WDR7: variants seen among roughly 807,000 people sequenced by gnomAD.
WDR7 encodes the protein WD repeat domain 7.
Under a neutral mutation model 169.4 loss-of-function variants are expected in WDR7, and 46 were observed. The observed-to-expected ratio is 0.27, with a 90% CI of 0.21 to 0.35. The LOEUF is 0.35. WDR7 is among the 10% of genes least tolerant of loss of function. WDR7 has a pLI of 1.00. For missense variants in WDR7, 1,534 were observed against 1,859.3 expected (o/e 0.83, Z 3.22); for synonymous variants, 612 against 666.8 (o/e 0.92, Z 1.27).
At chr18:56,958,000 T>C (rs2047280532) in intron 25 of WDR7, among the ~76,000 whole-genome samples, 1 of 152,184 alleles carries the variant, frequency 6.6e-6, no homozygotes, top group African/African-American at 2.4e-5. Context: ...AAATTAACTT[T>C]TAAGTTTCAC....
chr18:56,679,753 T>C (rs599748), intron 3 of WDR7, among the ~76,000 whole-genome samples: 14,684 of 152,192 alleles, frequency 0.096, 865 homozygotes, highest in Non-Finnish European at 0.13. Context: ...GCCAGACAAC[T>C]TTGAGATTTC....
chr18:56,989,320 T>A (rs918394411), intron 26 of WDR7, among the ~76,000 whole-genome samples: 1 of 152,204 alleles, frequency 6.6e-6, no homozygotes, highest in African/African-American at 2.4e-5. Context: ...TGAAAGTTAA[T>A]TTTTCTCAAG....
intron 20 of WDR7, among the ~76,000 whole-genome samples, chr18:56,852,823 ATACT>A (rs1360595167): frequency 1.3e-5 from 2 of 152,204 alleles, no homozygotes; most frequent in African/African-American, 4.8e-5. Context: ...AAATATATAC[ATACT>A]TACTGATGAA....
chr18:56,675,817 CT>C (rs1169986002), intron 2 of WDR7, among the ~76,000 whole-genome samples: 4 of 151,834 alleles, frequency 2.6e-5, no homozygotes, highest in African/African-American at 9.7e-5. Flanking sequence ...TAGTCTTTCA[CT>C]TTTATTTTTA....
chr18:56,711,821 T>C (rs1236708285), intron 12 of WDR7, among the ~76,000 whole-genome samples: 1 of 152,200 alleles, frequency 6.6e-6, no homozygotes, highest in African/African-American at 2.4e-5. Flanking sequence ...AGGTAGAATA[T>C]TTAACGTGAT....
At chr18:56,799,604 C>A (rs4121) in intron 19 of WDR7, among the ~76,000 whole-genome samples, 126,163 of 152,078 alleles carry the variant, frequency 0.83, 52,464 homozygotes, top group East Asian at 0.98. Flanking sequence ...GTATGTACCA[C>A]GCACAGTTTC....
At chr18:56,777,616 C>T (rs1228560387) in intron 17 of WDR7, among the ~76,000 whole-genome samples, 2 of 151,954 alleles carry the variant, frequency 1.3e-5, no homozygotes, top group East Asian at 1.9e-4. Flanking sequence ...GTCTTCATTG[C>T]GTTTGTAGTT....
chr18:56,715,524 A>G (rs372040041), intron 12 of WDR7, among the ~76,000 whole-genome samples: 35 of 152,258 alleles, frequency 2.3e-4, no homozygotes, highest in East Asian at 1.7e-3. Context: ...TTGGGAGTCT[A>G]AGTAGCAGAA....
chr18:56,659,079 TG>T (rs2024844959), intron 1 of WDR7, among the ~76,000 whole-genome samples: 1 of 152,158 alleles, frequency 6.6e-6, no homozygotes, highest in African/African-American at 2.4e-5. Flanking sequence ...ACTGTAGTAG[TG>T]ATTATGTCAG....
intron 21 of WDR7, among the ~76,000 whole-genome samples, 181 bp from the exon 22 acceptor site, chr18:56,923,741 T>C (rs1264712402): frequency 6.6e-6 from 1 of 152,216 alleles, no homozygotes; most frequent in Non-Finnish European, 1.5e-5. Flanking sequence ...TAGCCTAACT[T>C]TTCTCTTCAA....
In WDR7 at chr18:56,686,834, T is replaced by C. The variant is rs761788514; in HGVS notation, c.598-21T>C. ...TTGACAATCATGCTATTCCTAAATTTTTACAAATCTTTCTTTTCAGGATAC... is the reference window on the plus strand; with the variant it reads ...TTGACAATCATGCTATTCCTAAATTCTTACAAATCTTTCTTTTCAGGATAC... On this transcript the variant is annotated intron_variant, in intron 6 of 27. Transcript: ENST00000254442. The C allele has an allele frequency of 3.5e-6, 5 of 1,419,840 alleles. No individual in the cohort carries two copies. The East Asian group carries it at 1.3e-4, about 36-fold the overall frequency. The allele number at this position is 1,419,840 out of a possible 1,614,324, so 88.0% of individuals were successfully genotyped here.
At chr18:56,683,905 G>T (rs1437357745) in intron 5 of WDR7, among the ~76,000 whole-genome samples, 2 of 152,154 alleles carry the variant, frequency 1.3e-5, no homozygotes, top group South Asian at 4.1e-4. Context: ...AGGTGCAAGG[G>T]ATTGAAATAT....
At chr18:56,914,356 G>A (rs1220742348) in intron 21 of WDR7, among the ~76,000 whole-genome samples, 4 of 152,096 alleles carry the variant, frequency 2.6e-5, no homozygotes, top group Non-Finnish European at 5.9e-5. Flanking sequence ...TTGTTTATTT[G>A]GTTTGTATGT....
At chr18:56,820,359 A>AAACAAAAAAC (rs1555695956) in intron 20 of WDR7, among the ~76,000 whole-genome samples, 1 of 127,464 alleles carries the variant, frequency 7.8e-6, no homozygotes, top group African/African-American at 3.5e-5. Context: ...AAAAAAAAAA[A>AAACAAAAAAC]AAAAACCACC....
At chr18:56,961,611 G>A (rs1414659301) in intron 25 of WDR7, among the ~76,000 whole-genome samples, 1 of 152,102 alleles carries the variant, frequency 6.6e-6, no homozygotes, top group African/African-American at 2.4e-5. Context: ...CAGCCATGTA[G>A]ACGTGAAATC....
At chr18:56,831,595 C>G (rs1300734521) in intron 20 of WDR7, among the ~76,000 whole-genome samples, 1 of 152,008 alleles carries the variant, frequency 6.6e-6, no homozygotes, top group Non-Finnish European at 1.5e-5. Context: ...CGAGACCAAC[C>G]CAGAAGGTGG....
At chr18:56,863,770 A>G (rs1271853641) in intron 20 of WDR7, among the ~76,000 whole-genome samples, 2 of 151,738 alleles carry the variant, frequency 1.3e-5, no homozygotes, top group African/African-American at 4.8e-5. Flanking sequence ...GAATTTTCCC[A>G]AAGAAGTTTG....
chr18:56,727,085 C>T (rs1357375322), intron 13 of WDR7, among the ~76,000 whole-genome samples: 1 of 152,180 alleles, frequency 6.6e-6, no homozygotes, highest in Non-Finnish European at 1.5e-5. Flanking sequence ...TTAGGCTATT[C>T]AGACAATGGA....
At chr18:56,721,708 G>A (rs2026326291) in intron 13 of WDR7, 1 of 152,166 alleles carries the variant, frequency 6.6e-6, no homozygotes, top group African/African-American at 2.4e-5. Context: ...CTTTGACAAG[G>A]TCAGAATCCT....
Sources: allele counts gnomAD v4.1 joint callset (sites outside exome capture counted in the v4.1 genomes callset), GRCh38; gene constraint gnomAD v4.1.1; transcripts MANE v1.5; gene names NCBI Gene and HGNC (gene_info 2026-07-23, HGNC 2026-07-21).